SNTG2: variants seen among roughly 807,000 people sequenced by gnomAD.
SNTG2 encodes syntrophin gamma 2.
Under a neutral mutation model 70.9 loss-of-function variants are expected in SNTG2, and 74 were observed. That is an observed-to-expected ratio of 1.04 (90% confidence interval 0.86 to 1.27). SNTG2 has a LOEUF of 1.27. SNTG2 is among the 50% of genes most tolerant of loss of function. The pLI is 0.00. For missense variants in SNTG2, 717 were observed against 690.7 expected (o/e 1.04, Z -0.43); for synonymous variants, 278 against 273.8 (o/e 1.02, Z -0.15).
At chr2:982,752 G>C (rs954999215) in intron 1 of SNTG2, among the ~76,000 whole-genome samples, 7 of 152,318 alleles carry the variant, frequency 4.6e-5, no homozygotes, top group African/African-American at 1.7e-4. Flanking sequence ...CAGCACCTCG[G>C]GTTAGTATTG....
In SNTG2 at chr2:1,135,636, C is replaced by T. The variant is rs184614199; in HGVS notation, c.326-1986C>T. 9.4e-3 allele frequency among the ~76,000 whole-genome samples: 1,436 copies of T among 152,232 alleles called. 13 individuals carry two copies. Among genetic ancestry groups the T allele is most frequent in the Non-Finnish European group, 0.014 (920 of 68,012 alleles). ...ACTTGGGAGGCTGAGGCAAAAGAAT[C>T]GCTTGAACCCAGGAGGCAGAGGTTG... On this transcript the variant is annotated intron_variant, in intron 4 of 16. Coordinates refer to ENST00000308624, the MANE Select transcript of SNTG2 (RefSeq NM_018968.4).
chr2:1,098,581 G>A (rs1188536775), intron 4 of SNTG2, among the ~76,000 whole-genome samples, 171 bp downstream of exon 4: 1 of 152,166 alleles, frequency 6.6e-6, no homozygotes, highest in Non-Finnish European at 1.5e-5. Flanking sequence ...CCTGATCTGA[G>A]GCTGCCCTTT....
rs751893436 is a variant in SNTG2, at chr2:1,209,226, T to G, written c.715T>G (p.Leu239Val). 3 of 1,613,860 alleles carry G rather than the reference T, an allele frequency of 1.9e-6. No homozygotes were observed. In the Admixed American group the frequency reaches 5.0e-5, roughly 27 times the overall value. Residue 239 changes from leucine (L) to valine (V), a missense_variant, in exon 9 of 17, where the codon TTA (leucine) becomes GTA (valine). Coordinates refer to ENST00000308624, the MANE Select transcript of SNTG2 (RefSeq NM_018968.4). Reference sequence around the variant, plus strand: ...AAGGTACAAAGCCGGAACGGAAAAATTAAGGTGTGTGACCATTGTCTGAGA... The same window carrying G: ...AAGGTACAAAGCCGGAACGGAAAAAGTAAGGTGTGTGACCATTGTCTGAGA... ...ISRYKAGTEK[L>V]RWNAFEVLAL...
intron 16 of SNTG2, among the ~76,000 whole-genome samples, chr2:1,332,314 C>T (rs948256480): frequency 2.0e-5 from 3 of 152,244 alleles, no homozygotes; most frequent in Non-Finnish European, 2.9e-5. Context: ...AGGACAAGGA[C>T]GAGGTGGATT....
chr2:1,049,440 C>A (rs184941313), intron 1 of SNTG2, among the ~76,000 whole-genome samples: 1 of 152,292 alleles, frequency 6.6e-6, no homozygotes, highest in East Asian at 1.9e-4. Context: ...TGGCTCTTTC[C>A]CTTACTAACA....
intron 16 of SNTG2, among the ~76,000 whole-genome samples, chr2:1,358,523 AT>A (rs1168454425): frequency 2.6e-5 from 4 of 152,100 alleles, no homozygotes; most frequent in African/African-American, 9.7e-5. Context: ...TTTTTGCTGC[AT>A]CCCACAAATT....
chr2:1,297,822 G>C (rs963488797), intron 14 of SNTG2, among the ~76,000 whole-genome samples: 4 of 152,202 alleles, frequency 2.6e-5, no homozygotes, highest in Admixed American at 2.6e-4. Flanking sequence ...TAGTCTCCTA[G>C]GAGACTCCAT....
chr2:960,314 G>A (rs546425891), intron 1 of SNTG2, among the ~76,000 whole-genome samples: 1 of 152,318 alleles, frequency 6.6e-6, no homozygotes, highest in Non-Finnish European at 1.5e-5. Flanking sequence ...TGGGCTTCTG[G>A]GCCCCACAGT....
intron 8 of SNTG2, among the ~76,000 whole-genome samples, chr2:1,175,988 T>A (rs143939350): frequency 6.6e-6 from 1 of 152,324 alleles, no homozygotes; most frequent in East Asian, 1.9e-4. Flanking sequence ...TTCTTCAGGC[T>A]TTGGTGGATG....
At chr2:1,191,649 G>T (rs1672600439) in intron 8 of SNTG2, among the ~76,000 whole-genome samples, 1 of 152,120 alleles carries the variant, frequency 6.6e-6, no homozygotes, top group African/African-American at 2.4e-5. Flanking sequence ...CAAAAAATTA[G>T]CCAGGTGTGG....
intron 1 of SNTG2, among the ~76,000 whole-genome samples, chr2:1,072,198 T>C (rs1277005999): frequency 6.6e-6 from 1 of 151,990 alleles, no homozygotes; most frequent in African/African-American, 2.4e-5. Flanking sequence ...CATCCAGGAC[T>C]TTCATAGCTG....
At chr2:1,150,338 C>T (rs5006488) in intron 6 of SNTG2, among the ~76,000 whole-genome samples, 19,285 of 152,174 alleles carry the variant, frequency 0.13, 1,644 homozygotes, top group East Asian at 0.27. Context: ...CTGTCTGTCA[C>T]TCATGAGTGA....
At chr2:985,925 A>G (rs1050019353) in intron 1 of SNTG2, among the ~76,000 whole-genome samples, 8 of 152,194 alleles carry the variant, frequency 5.3e-5, no homozygotes, top group Non-Finnish European at 1.2e-4. Context: ...ATGTGGAAGA[A>G]AAGTACTGTG....
At chr2:1,023,366 T>C (rs1162690116) in intron 1 of SNTG2, among the ~76,000 whole-genome samples, 1 of 152,066 alleles carries the variant, frequency 6.6e-6, no homozygotes, top group Non-Finnish European at 1.5e-5. Flanking sequence ...GGCCATGACA[T>C]TGGGCTGAAT....
At chr2:1,164,689 C>G (rs1302577212) in intron 6 of SNTG2, among the ~76,000 whole-genome samples, 1 of 150,670 alleles carries the variant, frequency 6.6e-6, no homozygotes, top group East Asian at 2.0e-4. Flanking sequence ...AAGGCAGGAA[C>G]CTGCTCAAAT....
chr2:1,170,823 C>T (rs758269544), intron 7 of SNTG2, among the ~76,000 whole-genome samples: 7 of 152,062 alleles, frequency 4.6e-5, no homozygotes, highest in Non-Finnish European at 1.0e-4. Context: ...TCCGTGAATG[C>T]GTTTTTCTTG....
intron 16 of SNTG2, among the ~76,000 whole-genome samples, chr2:1,360,056 GGA>G (rs1491463353): frequency 1.4e-5 from 1 of 70,836 alleles, no homozygotes; most frequent in African/African-American, 4.8e-5. Flanking sequence ...TTTTCCCATA[GGA>G]AAAAAAAAAG....
chr2:1,124,422 G>C (rs1319181942), intron 4 of SNTG2, among the ~76,000 whole-genome samples: 1 of 151,962 alleles, frequency 6.6e-6, no homozygotes, highest in Non-Finnish European at 1.5e-5. Context: ...AGCCTCCTGA[G>C]TAGCTGGGAC....
chr2:1,194,939 CATTGTTCAA>C (rs1341102077), intron 8 of SNTG2, among the ~76,000 whole-genome samples: 1 of 152,150 alleles, frequency 6.6e-6, no homozygotes, highest in Non-Finnish European at 1.5e-5. Context: ...CATGTGTTCT[CATTGTTCAA>C]CTCCCACTTG....
Sources: allele counts gnomAD v4.1 joint callset (sites outside exome capture counted in the v4.1 genomes callset), GRCh38; gene constraint gnomAD v4.1.1; transcripts MANE v1.5; gene names NCBI Gene and HGNC (gene_info 2026-07-23, HGNC 2026-07-21).